LRP1B: variants seen among roughly 807,000 people sequenced by gnomAD.
LRP1B encodes the protein LDL receptor related protein 1B.
A neutral mutation model predicts 556.6 loss-of-function variants in LRP1B; 217 were observed. That is an observed-to-expected ratio of 0.39 (90% confidence interval 0.35 to 0.44). The LOEUF is 0.44. Ranked by LOEUF, LRP1B falls within the 20% of genes least tolerant of loss-of-function variation. The pLI, the probability that LRP1B is intolerant of heterozygous loss-of-function variation, is 1.00. For synonymous variants in LRP1B, 2,047 were observed against 1,865.8 expected (o/e 1.10, Z -2.50); for missense variants, 5,053 against 5,620.8 (o/e 0.90, Z 3.23).
intron 83 of LRP1B, among the ~76,000 whole-genome samples, chr2:140,298,569 A>C (rs1683698001): frequency 6.6e-6 from 1 of 152,170 alleles, no homozygotes; most frequent in South Asian, 2.1e-4. Context: ...TAATTTTGAT[A>C]TTGTTATTCA....
rs539642935 is a variant in LRP1B, at chr2:141,874,845, T to C, written c.83-64444A>G. Among the ~76,000 whole-genome samples, 13 of 152,064 alleles carry C rather than the reference T, an allele frequency of 8.5e-5. No individual in the cohort carries two copies. In the East Asian group the frequency reaches 2.5e-3, roughly 30 times the overall value. On this transcript the variant is annotated intron_variant, in intron 1 of 90. Transcript: ENST00000389484. Reference sequence around the variant, plus strand: ...TAATCTTCAGGAGCCTTATGGCCAATGGATTGTTTGAAATTTAGTATGTGG... The same window carrying C: ...TAATCTTCAGGAGCCTTATGGCCAACGGATTGTTTGAAATTTAGTATGTGG...
At chr2:140,952,020 A>T in intron 18 of LRP1B, 80 bp from the exon 19 acceptor site, 3 of 983,184 alleles carry the variant, frequency 3.1e-6, no homozygotes, top group Non-Finnish European at 3.2e-6. Flanking sequence ...TGATAATGTG[A>T]TCAGAACTCC....
chr2:140,541,015 A>C lies in LRP1B; in HGVS notation c.7471T>G (p.Cys2491Gly), dbSNP rs751450801. Residue 2491 changes from cysteine to glycine, a missense_variant, in exon 45 of 91, where the codon TGC (cysteine) becomes GGC (glycine). Around this residue, in one of 5 missense-constraint regions of LRP1B, gnomAD observed 3,619 missense variants for 3,931.9 expected, o/e 0.92. Transcript: ENST00000389484. The part of the protein sequence containing the change: ...LTPNGRVNCS[C>G]RGDRILLEDN... The stretch of plus-strand genomic sequence containing the variant: ...TCTAGCAATATTCGGTCCCCTCTGC[A>C]GGAACAATTCACTCTCCCATTGGGA... The C allele has an allele frequency of 6.2e-7, 1 of 1,611,876 alleles. No individual in the cohort carries two copies. Among genetic ancestry groups the C allele is most frequent in the Non-Finnish European group, 8.5e-7 (1 of 1,178,480 alleles).
intron 7 of LRP1B, among the ~76,000 whole-genome samples, chr2:141,133,308 C>A (rs1339475847): frequency 9.2e-6 from 1 of 108,110 alleles, no homozygotes. Context: ...TTTTTTTCCA[C>A]AATACTGTAT....
chr2:141,441,085 AT>A (rs1314448949), intron 3 of LRP1B, among the ~76,000 whole-genome samples: 1 of 148,804 alleles, frequency 6.7e-6, no homozygotes, highest in South Asian at 2.1e-4. Flanking sequence ...TTTTTATTTT[AT>A]TTTTTTCTGG....
intron 3 of LRP1B, among the ~76,000 whole-genome samples, chr2:141,330,672 G>T (rs1255832979): frequency 6.6e-6 from 1 of 151,924 alleles, no homozygotes; most frequent in Non-Finnish European, 1.5e-5. Flanking sequence ...AATATTAGCC[G>T]GTTTCCTGGC....
At chr2:141,416,896 T>C (rs1691128482) in intron 3 of LRP1B, among the ~76,000 whole-genome samples, 1 of 152,288 alleles carries the variant, frequency 6.6e-6, no homozygotes, top group East Asian at 1.9e-4. Context: ...GTCTTTCAAA[T>C]TGAAATTCTC....
chr2:141,766,258 T>C (rs1419318166), intron 2 of LRP1B, among the ~76,000 whole-genome samples: 1 of 152,014 alleles, frequency 6.6e-6, no homozygotes, highest in African/African-American at 2.4e-5. Flanking sequence ...AGCAGCAGAT[T>C]TGGGTGAAAT....
intron 2 of LRP1B, among the ~76,000 whole-genome samples, chr2:141,593,894 G>A (rs1687424678): frequency 6.6e-6 from 1 of 152,152 alleles, no homozygotes; most frequent in Non-Finnish European, 1.5e-5. Context: ...GTCATCAGCT[G>A]TCATTAGCTT....
At chr2:141,866,942 C>CA (rs1474015393) in intron 1 of LRP1B, among the ~76,000 whole-genome samples, 2 of 152,078 alleles carry the variant, frequency 1.3e-5, no homozygotes, top group Non-Finnish European at 2.9e-5. Flanking sequence ...GACCCAAACT[C>CA]AGAGTTTTTG....
intron 3 of LRP1B, among the ~76,000 whole-genome samples, chr2:141,293,213 A>G (rs183515404): frequency 1.8e-3 from 274 of 152,312 alleles, no homozygotes; most frequent in African/African-American, 6.2e-3. Flanking sequence ...TAAATTCACA[A>G]TAGAAAAGGA....
At chr2:140,351,674 TAA>T (rs68172792) in intron 76 of LRP1B, among the ~76,000 whole-genome samples, 10,894 of 152,048 alleles carry the variant, frequency 0.072, 419 homozygotes, top group Middle Eastern at 0.13. Flanking sequence ...AGTAAAACCC[TAA>T]AGCAAATGCC....
intron 20 of LRP1B, among the ~76,000 whole-genome samples, chr2:140,946,540 G>T (rs1695553421): frequency 6.6e-6 from 1 of 152,140 alleles, no homozygotes; most frequent in Non-Finnish European, 1.5e-5. Context: ...GGTGGAGGTT[G>T]CAGTGAGCTG....
At position 140,533,915 on chromosome 2, in the gene LRP1B, T is replaced by C. The variant is rs905940252; in HGVS notation, c.7762+106A>G. 4.9e-5 allele frequency: 57 copies of C among 1,151,518 alleles called. No individual in the cohort carries two copies. The African/African-American group carries it at 7.4e-4, about 15-fold the overall frequency. 71.3% of individuals were successfully genotyped at this position (1,151,518 alleles called of 1,614,324 possible). A position where few individuals can be genotyped will look rare whatever the true frequency, so the allele number is the denominator to read the frequency against. On this transcript the variant is annotated intron_variant, in intron 47 of 90. Coordinates refer to ENST00000389484, the MANE Select transcript of LRP1B (RefSeq NM_018557.3). ...CATTTACCAAAGTGTGATCCATAGA[T>C]GTTACTAGGTGTTATATGCCACAGA...
At chr2:141,541,835 T>C (rs1376007959) in intron 2 of LRP1B, among the ~76,000 whole-genome samples, 2 of 152,074 alleles carry the variant, frequency 1.3e-5, no homozygotes, top group African/African-American at 4.8e-5. Context: ...TTTTTTAATG[T>C]GTTTTAAAGC....
chr2:141,159,390 T>C (rs1702148120), intron 7 of LRP1B, among the ~76,000 whole-genome samples: 1 of 152,082 alleles, frequency 6.6e-6, no homozygotes, highest in Admixed American at 6.6e-5. Context: ...AGTTTTTATT[T>C]TTGTTTTTTT....
chr2:141,183,677 A>C (rs1681112043), intron 7 of LRP1B, among the ~76,000 whole-genome samples: 1 of 152,044 alleles, frequency 6.6e-6, no homozygotes, highest in Non-Finnish European at 1.5e-5. Flanking sequence ...ACACAGAAAT[A>C]AGGGTATATG....
At chr2:141,394,047 T>G (rs1251591056) in intron 3 of LRP1B, among the ~76,000 whole-genome samples, 1 of 152,170 alleles carries the variant, frequency 6.6e-6, no homozygotes, top group Non-Finnish European at 1.5e-5. Flanking sequence ...TTAGGTTGGG[T>G]ATACTATGTC....
At chr2:141,386,191 A>T (rs1454306732) in intron 3 of LRP1B, among the ~76,000 whole-genome samples, 2 of 152,166 alleles carry the variant, frequency 1.3e-5, no homozygotes, top group Non-Finnish European at 2.9e-5. Flanking sequence ...TTATGTTTAG[A>T]CTTGGGTCCC....
Sources: gnomAD v4.1 joint callset for allele counts (sites outside exome capture counted in the v4.1 genomes callset) on GRCh38, gnomAD v4.1.1 for gene constraint, gnomAD v4.1.1 regional missense constraint, MANE v1.5 for transcripts, NCBI Gene and HGNC (gene_info 2026-07-23, HGNC 2026-07-21) for gene names.